IMMP2L: variants seen among roughly 807,000 people sequenced by gnomAD.
The protein encoded by IMMP2L is inner mitochondrial membrane peptidase subunit 2, also known as mitochondrial inner membrane protease subunit 2.
In IMMP2L, 18 loss-of-function variants were observed where a neutral mutation model predicts 19.3. That is an observed-to-expected ratio of 0.93 (90% CI 0.64 to 1.38). IMMP2L has a LOEUF of 1.38. Among genes scored for constraint, IMMP2L ranks in the 40% most tolerant of loss-of-function variants. The pLI, the probability that IMMP2L is intolerant of heterozygous loss-of-function variation, is 0.00. For missense variants in IMMP2L, 233 were observed against 218.2 expected (o/e 1.07, Z -0.43); for synonymous variants, 76 against 73.0 (o/e 1.04, Z -0.21).
chr7:110,965,556 A>G (rs1819452511), intron 3 of IMMP2L, among the ~76,000 whole-genome samples: 2 of 151,950 alleles, frequency 1.3e-5, no homozygotes, highest in African/African-American at 4.8e-5. Context: ...ATATTTCTAT[A>G]ACTTTAATGT....
intron 2 of IMMP2L, among the ~76,000 whole-genome samples, chr7:111,502,852 C>A (rs1403252867): frequency 1.3e-5 from 2 of 150,374 alleles, no homozygotes; most frequent in Non-Finnish European, 3.0e-5. Flanking sequence ...GCACTAAATG[C>A]CCACAAGAGA....
At chr7:110,865,917 G>A (rs17158058) in intron 5 of IMMP2L, among the ~76,000 whole-genome samples, 1 of 151,824 alleles carries the variant, frequency 6.6e-6, no homozygotes, top group East Asian at 1.9e-4. Context: ...ATACAAAGCA[G>A]AACTTCTTCA....
intron 3 of IMMP2L, among the ~76,000 whole-genome samples, chr7:111,295,858 T>A (rs180712897): frequency 1.3e-5 from 2 of 151,436 alleles, no homozygotes; most frequent in Non-Finnish European, 3.0e-5. Flanking sequence ...ATGTGGCATA[T>A]CAACAAAAAT....
intron 4 of IMMP2L, among the ~76,000 whole-genome samples, chr7:110,916,439 C>T (rs1813620857): frequency 6.6e-6 from 1 of 152,146 alleles, no homozygotes; most frequent in Non-Finnish European, 1.5e-5. Flanking sequence ...AATAGATAAG[C>T]CATTCTACTA....
At chr7:110,769,021 C>A (rs998944380) in intron 5 of IMMP2L, among the ~76,000 whole-genome samples, 1 of 152,136 alleles carries the variant, frequency 6.6e-6, no homozygotes, top group Non-Finnish European at 1.5e-5. Context: ...TGAAAATAAA[C>A]AGAGTATGCT....
intron 2 of IMMP2L, among the ~76,000 whole-genome samples, chr7:111,503,527 T>C (rs1003697126): frequency 1.3e-5 from 2 of 152,064 alleles, no homozygotes; most frequent in African/African-American, 4.8e-5. Context: ...AAAAAGAGAA[T>C]TTTAGACCAA....
intron 5 of IMMP2L, among the ~76,000 whole-genome samples, chr7:110,816,228 G>T (rs1410055671): frequency 1.3e-5 from 2 of 152,086 alleles, no homozygotes; most frequent in African/African-American, 4.8e-5. Flanking sequence ...TATGTACCCA[G>T]TAGTCATTCA....
chr7:111,552,595 T>G (rs1199815160), intron 1 of IMMP2L, among the ~76,000 whole-genome samples: 5 of 152,132 alleles, frequency 3.3e-5, no homozygotes, highest in Non-Finnish European at 7.4e-5. Context: ...CTATAACACA[T>G]TTATATGCTG....
At chr7:110,706,327 C>A (rs1004939909) in intron 5 of IMMP2L, among the ~76,000 whole-genome samples, 1 of 152,136 alleles carries the variant, frequency 6.6e-6, no homozygotes. Flanking sequence ...TGGTCTTGAA[C>A]TCCAGGGCCC....
At chr7:110,891,678 T>A (rs1439149888) in intron 4 of IMMP2L, among the ~76,000 whole-genome samples, 1 of 152,154 alleles carries the variant, frequency 6.6e-6, no homozygotes, top group African/African-American at 2.4e-5. Context: ...TAAGGAAGAA[T>A]ATAATATTTT....
At chr7:110,742,937 G>C (rs1198646057) in intron 5 of IMMP2L, among the ~76,000 whole-genome samples, 1 of 152,028 alleles carries the variant, frequency 6.6e-6, no homozygotes, top group Non-Finnish European at 1.5e-5. Context: ...ACATTACGCT[G>C]ATAAATTCCT....
In IMMP2L at chr7:110,811,343, C is replaced by T. The variant is rs948799913; in HGVS notation, c.408+75250G>A. Among the ~76,000 whole-genome samples, 17 of 151,896 alleles carry T rather than the reference C, an allele frequency of 1.1e-4. No homozygotes were observed. In the East Asian group the frequency reaches 1.7e-3, roughly 16 times the overall value. ...TTAGTGACTCATAAAGAAGATATCA[C>T]AGAAAATCCTAAAAATCAAATCTAT... On this transcript the variant is annotated intron_variant, in intron 5 of 5. Transcript: ENST00000405709.
chr7:111,013,975 T>C (rs1825236751), intron 3 of IMMP2L, among the ~76,000 whole-genome samples: 1 of 152,136 alleles, frequency 6.6e-6, no homozygotes, highest in South Asian at 2.1e-4. Context: ...AAACTGGACA[T>C]ATTTCCAGCT....
rs148325778 is a variant in IMMP2L at position 111,152,626 on chromosome 7, C to T, written c.240-189061G>A. ...TACTTGTTTAAGCTTCAGCTCAGTC[C>T]ATAAAACTCTACCAGAACAAAAGCA... On this transcript the variant is annotated intron_variant, in intron 3 of 5. Transcript: ENST00000405709. Among the ~76,000 whole-genome samples the T allele has an allele frequency of 5.7e-3, 864 of 152,182 alleles. 6 individuals carry two copies. Among genetic ancestry groups the T allele is most frequent in the Admixed American group, 8.4e-3 (128 of 15,282 alleles).
chr7:111,210,137 G>A (rs1303120397), intron 3 of IMMP2L, among the ~76,000 whole-genome samples: 1 of 152,082 alleles, frequency 6.6e-6, no homozygotes, highest in Non-Finnish European at 1.5e-5. Context: ...AGGAGACTTT[G>A]TTTTTTGCTT....
chr7:111,149,185 TAA>T (rs1180159225), intron 3 of IMMP2L, among the ~76,000 whole-genome samples: 8 of 152,162 alleles, frequency 5.3e-5, no homozygotes, highest in Admixed American at 2.6e-4. Flanking sequence ...TGTTTTATAA[TAA>T]GTTATTACAG....
intron 3 of IMMP2L, among the ~76,000 whole-genome samples, chr7:111,017,256 G>T (rs1825804333): frequency 6.6e-6 from 1 of 151,084 alleles, no homozygotes; most frequent in African/African-American, 2.4e-5. Context: ...TAGAAATGGG[G>T]TCTCATCATG....
intron 3 of IMMP2L, among the ~76,000 whole-genome samples, chr7:111,338,702 A>G (rs944004792): frequency 3.9e-5 from 6 of 152,070 alleles, no homozygotes; most frequent in African/African-American, 1.4e-4. Context: ...AACACTTACT[A>G]TATACTCTGT....
At position 111,300,896 on chromosome 7, in the gene IMMP2L, A is replaced by G. The variant is rs552167100; in HGVS notation, c.239+186342T>C. ...TGGGCCCACCAATAAAGTTGCTACA[A>G]ACATTCATGTACAGGTTTTTGTTGG... On this transcript the variant is annotated intron_variant, in intron 3 of 5. Coordinates refer to ENST00000405709, the MANE Select transcript of IMMP2L (RefSeq NM_032549.4). Among the ~76,000 whole-genome samples, 20 of 152,262 alleles carry G rather than the reference A, an allele frequency of 1.3e-4. No homozygotes were observed. In the South Asian group the frequency reaches 2.3e-3, roughly 17 times the overall value.
Sources: gnomAD v4.1 joint callset for allele counts (sites outside exome capture counted in the v4.1 genomes callset) on GRCh38, gnomAD v4.1.1 for gene constraint, MANE v1.5 for transcripts, NCBI Gene and HGNC (gene_info 2026-07-23, HGNC 2026-07-21) for gene names.